AKT3: variants seen among roughly 807,000 people sequenced by gnomAD.
The protein encoded by AKT3 is AKT serine/threonine kinase 3.
Under a neutral mutation model 65.3 loss-of-function variants are expected in AKT3, and 15 were observed. That is an observed-to-expected ratio of 0.23 (90% confidence interval 0.15 to 0.35). AKT3 has a LOEUF of 0.35. Ranked by LOEUF, AKT3 falls within the 10% of genes least tolerant of loss-of-function variation. AKT3 has a pLI of 1.00. For synonymous variants in AKT3, 206 were observed against 183.8 expected, an observed-to-expected ratio of 1.12 and a Z score of -0.98; for missense variants, 243 against 576.5, an observed-to-expected ratio of 0.42 and a Z score of 5.92.
chr1:243,619,222 CAT>C (rs768784146), intron 6 of AKT3, among the ~76,000 whole-genome samples: 63 of 152,164 alleles, frequency 4.1e-4, no homozygotes, highest in Middle Eastern at 3.4e-3. Context: ...TACTTTGGCA[CAT>C]GTTTTTTCGA....
intron 4 of AKT3, among the ~76,000 whole-genome samples, chr1:243,653,726 T>TA (rs1181322771): frequency 6.6e-6 from 1 of 152,206 alleles, no homozygotes; most frequent in African/African-American, 2.4e-5. Context: ...TGCCCATTTT[T>TA]ATCCCTTTAA....
chr1:243,835,041 C>T (rs561086481), intron 2 of AKT3, among the ~76,000 whole-genome samples: 9 of 152,030 alleles, frequency 5.9e-5, no homozygotes, highest in Non-Finnish European at 1.3e-4. Context: ...AAAATACTAA[C>T]CCTACATAGA....
chr1:243,784,974 G>A (rs972071803), intron 2 of AKT3, among the ~76,000 whole-genome samples: 3 of 151,968 alleles, frequency 2.0e-5, no homozygotes, highest in Non-Finnish European at 4.4e-5. Context: ...ATATTGCCCA[G>A]GCTGGATTTC....
At chr1:243,603,623 GC>G (rs1677176975) in intron 8 of AKT3, among the ~76,000 whole-genome samples, 1 of 152,056 alleles carries the variant, frequency 6.6e-6, no homozygotes. Flanking sequence ...TTTTAACACT[GC>G]TCATGATGCC....
chr1:243,515,078 A>G (rs1049757672), intron 12 of AKT3, among the ~76,000 whole-genome samples: 1 of 152,132 alleles, frequency 6.6e-6, no homozygotes, highest in African/African-American at 2.4e-5. Context: ...TGGCTTGTTC[A>G]TTTAGCATTA....
intron 3 of AKT3, among the ~76,000 whole-genome samples, chr1:243,675,362 G>C (rs925330738): frequency 3.9e-5 from 6 of 152,164 alleles, no homozygotes; most frequent in Admixed American, 3.3e-4. Context: ...ACCACGCCCA[G>C]CTAATTTTTT....
intron 13 of AKT3, among the ~76,000 whole-genome samples, chr1:243,491,652 G>C (rs1358943792): frequency 2.0e-5 from 3 of 152,196 alleles, no homozygotes. Context: ...TCTTGTCATG[G>C]AATCAGCTTG....
intron 1 of AKT3, among the ~76,000 whole-genome samples, chr1:243,847,417 A>G (rs1383456130): frequency 6.6e-6 from 1 of 152,196 alleles, no homozygotes; most frequent in African/African-American, 2.4e-5. Context: ...ACTAAAAGAT[A>G]TAATAACAAA....
intron 2 of AKT3, among the ~76,000 whole-genome samples, chr1:243,785,442 C>T (rs1691202477): frequency 6.8e-6 from 1 of 147,196 alleles, no homozygotes; most frequent in East Asian, 2.0e-4. Context: ...CTTTTGTTTA[C>T]AATAGAGAAT....
At chr1:243,837,642 C>G (rs977160323) in intron 2 of AKT3, among the ~76,000 whole-genome samples, 2 of 151,934 alleles carry the variant, frequency 1.3e-5, no homozygotes, top group Admixed American at 6.6e-5. Context: ...AGGAAAAAAT[C>G]AAATGACCAT....
In AKT3 at chr1:243,836,070, A is replaced by C. The variant is rs917454990; in HGVS notation, c.46+7055T>G. Reference sequence around the variant, plus strand: ...TACATTAAATATGACTGGCCTAAAAACTCCCATTTAAAAGGTAAAGATTGT... The same window carrying C: ...TACATTAAATATGACTGGCCTAAAACCTCCCATTTAAAAGGTAAAGATTGT... On this transcript the variant is annotated intron_variant, in intron 2 of 13. Transcript: ENST00000673466. Among the ~76,000 whole-genome samples, 3 of 152,018 alleles carry C rather than the reference A, an allele frequency of 2.0e-5. No individual in the cohort carries two copies. In the East Asian group the frequency reaches 5.8e-4, roughly 29 times the overall value.
chr1:243,613,186 C>G (rs1162323100), intron 8 of AKT3, among the ~76,000 whole-genome samples: 1 of 31,396 alleles, frequency 3.2e-5, no homozygotes, highest in Non-Finnish European at 9.8e-5. Context: ...CTCATATATA[C>G]ATACACACAC....
chr1:243,828,161 T>C (rs1694290007), intron 2 of AKT3, among the ~76,000 whole-genome samples: 1 of 152,150 alleles, frequency 6.6e-6, no homozygotes, highest in African/African-American at 2.4e-5. Context: ...TACTAAATAT[T>C]AGTAAAGTTG....
chr1:243,745,182 T>A (rs1463182257), intron 2 of AKT3, among the ~76,000 whole-genome samples: 2 of 151,592 alleles, frequency 1.3e-5, no homozygotes, highest in Non-Finnish European at 1.5e-5. Flanking sequence ...TACGGAAAAT[T>A]TAAAAATTAG....
At chr1:243,730,355 G>A (rs959040048) in intron 2 of AKT3, among the ~76,000 whole-genome samples, 9 of 152,140 alleles carry the variant, frequency 5.9e-5, no homozygotes, top group African/African-American at 2.2e-4. Context: ...TCACCTTCCA[G>A]TTGTCCACGT....
intron 12 of AKT3, among the ~76,000 whole-genome samples, chr1:243,513,977 GA>G (rs1670186256): frequency 6.6e-6 from 1 of 152,136 alleles, no homozygotes; most frequent in South Asian, 2.1e-4. Flanking sequence ...CACGCACAGG[GA>G]ACCCCAGAGG....
intron 6 of AKT3, among the ~76,000 whole-genome samples, chr1:243,636,646 C>A (rs1427510687): frequency 6.6e-6 from 1 of 152,010 alleles, no homozygotes; most frequent in Non-Finnish European, 1.5e-5. Flanking sequence ...TCAGAAGTAC[C>A]CCTCCTCCTC....
intron 2 of AKT3, among the ~76,000 whole-genome samples, chr1:243,804,656 C>A (rs1205701244): frequency 6.6e-6 from 1 of 152,078 alleles, no homozygotes; most frequent in Non-Finnish European, 1.5e-5. Context: ...ACCATCCTGG[C>A]TAACACAGTG....
At chr1:243,713,696 C>T (rs1284417518) in intron 2 of AKT3, among the ~76,000 whole-genome samples, 2 of 143,146 alleles carry the variant, frequency 1.4e-5, no homozygotes, top group Non-Finnish European at 3.0e-5. Flanking sequence ...TTGTGCTTCC[C>T]TACAATGCAG....
Sources: allele counts gnomAD v4.1 joint callset (sites outside exome capture counted in the v4.1 genomes callset), GRCh38; gene constraint gnomAD v4.1.1; transcripts MANE v1.5; gene names NCBI Gene and HGNC (gene_info 2026-07-23, HGNC 2026-07-21).